Variants in CRYBA1 observed in about 807,000 individuals in gnomAD.
The protein encoded by CRYBA1 is crystallin beta A1.
In CRYBA1, 25 loss-of-function variants were observed where a neutral mutation model predicts 36.2. That is an observed-to-expected ratio of 0.69 (90% CI 0.50 to 0.97). CRYBA1 has a LOEUF of 0.97. Ranked by LOEUF, CRYBA1 falls within the 50% of genes least tolerant of loss-of-function variation. CRYBA1 has a pLI of 0.00. For missense variants in CRYBA1, 224 were observed against 276.3 expected (o/e 0.81, Z 1.34); for synonymous variants, 111 against 90.0 (o/e 1.23, Z -1.32).
chr17:29,246,891 C>T lies in CRYBA1; in HGVS notation c.28C>T (p.Leu10=), dbSNP rs1227030052. 2 of 1,611,608 alleles carry T rather than the reference C, an allele frequency of 1.2e-6. No individual in the cohort carries two copies. The highest frequency in any genetic ancestry group is 2.2e-5 in the East Asian group (1 of 44,852). The stretch of plus-strand genomic sequence containing the variant: ...GGAGACCCAGGCTGAGCAGCAGGAG[C>T]TGGGTGAGTAAGGCCCTCAGGGTGC... METQAEQQE[L]ETLPTTKMAQ... The change falls in exon 1 of 6, where the codon CTG becomes TTG. Residue 10 remains leucine (L), a synonymous_variant. Transcript: ENST00000225387.
At chr17:29,252,013 A>C (rs747137290) in intron 3 of CRYBA1, 51 bp from the exon 4 acceptor site, 4 of 1,613,964 alleles carry the variant, frequency 2.5e-6, no homozygotes, top group Admixed American at 3.3e-5. Context: ...CTTCTCCCCA[A>C]GGCCATATAG....
intron 1 of CRYBA1, among the ~76,000 whole-genome samples, chr17:29,248,603 G>A (rs2459723): frequency 0.65 from 97,958 of 151,172 alleles, 32,215 homozygotes; most frequent in East Asian, 0.87. Flanking sequence ...GACCTCAGGT[G>A]ATCCGCCCGC....
intron 3 of CRYBA1, 120 bp from the exon 4 acceptor site, chr17:29,251,944 T>C: frequency 1.6e-6 from 2 of 1,242,040 alleles, no homozygotes; most frequent in Non-Finnish European, 2.4e-6. Flanking sequence ...TTTGTACAGC[T>C]CTACTGGGAT....
At position 29,252,192 on chromosome 17, in the gene CRYBA1, C is replaced by T. The variant is rs745991398; in HGVS notation, c.344C>T (p.Pro115Leu). ...ATTGAGCGTCTCATGTCCTTCCGCC[C>T]CATCTGTTCAGCTGTGAGTCTCTGA... ...YHIERLMSFR[P>L]ICSANHKESK... The change falls in exon 4 of 6, where the codon CCC becomes CTC. Residue 115 changes from proline (P) to leucine (L), a missense_variant. By Grantham distance (98) the Pro-to-Leu change is moderately conservative. Transcript: ENST00000225387. 1.9e-6 allele frequency: 3 copies of T among 1,614,146 alleles called. No individual in the cohort carries two copies. In the Admixed American group the frequency reaches 5.0e-5, roughly 27 times the overall value.
At chr17:29,249,303 GAAAA>G (rs1395114079) in intron 2 of CRYBA1, 97 bp downstream of exon 2, 58 of 835,086 alleles carry the variant, frequency 6.9e-5, no homozygotes, top group Non-Finnish European at 3.3e-5. Flanking sequence ...TGACTGACCA[GAAAA>G]ACCCCAGTTT....
At chr17:29,247,039 C>A in intron 1 of CRYBA1, 145 bp downstream of exon 1, 1 of 875,630 alleles carries the variant, frequency 1.1e-6, no homozygotes, top group Non-Finnish European at 1.8e-6. Flanking sequence ...GGAAGACAGC[C>A]TTCTCTTGTC....
chr17:29,253,912 T>C, intron 5 of CRYBA1, 130 bp downstream of exon 5: 1 of 1,268,904 alleles, frequency 7.9e-7, no homozygotes, highest in East Asian at 2.5e-5. Context: ...ATTTTGAATC[T>C]CAATTTCTTT....
intron 3 of CRYBA1, 60 bp downstream of exon 3, chr17:29,250,360 C>T: frequency 1.1e-6 from 1 of 947,918 alleles, no homozygotes; most frequent in South Asian, 1.3e-5. Flanking sequence ...AGACAGGGGA[C>T]CATAGAGTGG....
At chr17:29,253,913 C>CA in intron 5 of CRYBA1, 131 bp downstream of exon 5, 2 of 1,272,502 alleles carry the variant, frequency 1.6e-6, no homozygotes, top group South Asian at 2.6e-5. Context: ...TTTTGAATCT[C>CA]AATTTCTTTA....
At chr17:29,251,941 A>G (rs1038410071) in intron 3 of CRYBA1, 123 bp from the exon 4 acceptor site, 6 of 1,212,722 alleles carry the variant, frequency 4.9e-6, no homozygotes, top group Middle Eastern at 1.9e-4. Context: ...TACTTTGTAC[A>G]GCTCTACTGG....
At chr17:29,249,345 G>A in intron 2 of CRYBA1, 139 bp downstream of exon 2, 1 of 648,360 alleles carries the variant, frequency 1.5e-6, no homozygotes, top group Admixed American at 2.5e-5. Context: ...ACAAGCTCCA[G>A]TGCTGTCGAA....
chr17:29,253,558 A>G, intron 4 of CRYBA1, 82 bp from the exon 5 acceptor site: 1 of 1,181,308 alleles, frequency 8.5e-7, no homozygotes, highest in South Asian at 1.3e-5. Flanking sequence ...TATAATCCAA[A>G]AGTGTTTCAA....
intron 1 of CRYBA1, 124 bp from the exon 2 acceptor site, chr17:29,249,018 C>T: frequency 1.4e-6 from 1 of 738,926 alleles, no homozygotes; most frequent in Non-Finnish European, 2.5e-6. Context: ...TAGTGAGCAG[C>T]AGAGCCAGAA....
chr17:29,252,341 A>C, intron 4 of CRYBA1, 136 bp downstream of exon 4: 3 of 1,264,348 alleles, frequency 2.4e-6, no homozygotes, highest in Non-Finnish European at 2.2e-6. Flanking sequence ...AAAAGAGAAA[A>C]CATCACTTTC....
At chr17:29,252,445 A>C (rs181003751) in intron 4 of CRYBA1, among the ~76,000 whole-genome samples, 1 of 152,234 alleles carries the variant, frequency 6.6e-6, no homozygotes, top group East Asian at 1.9e-4. Context: ...GTGGATACTC[A>C]AGAGCCCAGT....
chr17:29,247,705 T>G (rs1175473022), intron 1 of CRYBA1, among the ~76,000 whole-genome samples: 8 of 152,164 alleles, frequency 5.3e-5, no homozygotes. Context: ...GAACACAGAT[T>G]GGTACTGTGA....
In CRYBA1 at chr17:29,252,153, G is replaced by C. The variant is rs1453417077; in HGVS notation, c.305G>C (p.Ser102Thr). Reference sequence around the variant, plus strand: ...CCTCGCTGGGATGCCTGGAGTGGGAGTAATGCCTACCACATTGAGCGTCTC... The same window carrying C: ...CCTCGCTGGGATGCCTGGAGTGGGACTAATGCCTACCACATTGAGCGTCTC... Reference protein sequence around the residue: ...EYPRWDAWSGSNAYHIERLMS... With the variant: ...EYPRWDAWSGTNAYHIERLMS... Residue 102 changes from serine to threonine, a missense_variant, in exon 4 of 6, where the codon AGT becomes ACT. Ser to Thr is a moderately conservative substitution (Grantham distance 58, BLOSUM62 1). Transcript: ENST00000225387. 1.2e-6 allele frequency: 2 copies of C among 1,614,152 alleles called. No homozygotes were observed. The highest frequency in any genetic ancestry group is 1.7e-6 in the Non-Finnish European group (2 of 1,180,022).
At chr17:29,248,417 T>G (rs925835681) in intron 1 of CRYBA1, among the ~76,000 whole-genome samples, 1 of 149,892 alleles carries the variant, frequency 6.7e-6, no homozygotes, top group Admixed American at 6.7e-5. Context: ...CAAGCTGGAG[T>G]GCAGTGGCAC....
chr17:29,248,359 G>GT (rs774205890), intron 1 of CRYBA1, among the ~76,000 whole-genome samples: 2 of 149,174 alleles, frequency 1.3e-5, no homozygotes, highest in East Asian at 2.0e-4. Flanking sequence ...TCTGATCCTT[G>GT]TTTTTTTTCT....
Sources: gnomAD v4.1 joint callset for allele counts (sites outside exome capture counted in the v4.1 genomes callset) on GRCh38, gnomAD v4.1.1 for gene constraint, MANE v1.5 for transcripts, NCBI Gene and HGNC (gene_info 2026-07-23, HGNC 2026-07-21) for gene names.